Variants in FBLN5 observed in about 807,000 individuals in gnomAD.
FBLN5 encodes the protein fibulin-5.
In FBLN5, 24 loss-of-function variants were observed where a neutral mutation model predicts 61.6. The ratio of observed to expected loss-of-function variants is 0.39; its 90% CI spans 0.28 to 0.55. The LOEUF (loss-of-function observed/expected upper bound fraction) is 0.55, where lower values mean the gene tolerates loss of function less well. Among genes scored for constraint, FBLN5 ranks in the 20% least tolerant of loss-of-function variants. The pLI is 0.65. For missense variants in FBLN5, 470 were observed against 594.1 expected (o/e 0.79, Z 2.17); for synonymous variants, 213 against 219.8 (o/e 0.97, Z 0.27).
chr14:91,916,649 G>A (rs1482186626), intron 4 of FBLN5, among the ~76,000 whole-genome samples: 1 of 152,134 alleles, frequency 6.6e-6, no homozygotes, highest in Admixed American at 6.6e-5. Flanking sequence ...TGTTACTAGT[G>A]ACCATCCCCC....
intron 4 of FBLN5, among the ~76,000 whole-genome samples, chr14:91,905,379 G>T (rs1326206263): frequency 6.6e-6 from 1 of 152,112 alleles, no homozygotes; most frequent in Non-Finnish European, 1.5e-5. Context: ...AGAGGGCTGG[G>T]AACACACAAC....
At chr14:91,941,216 T>C (rs2056099690) in intron 2 of FBLN5, among the ~76,000 whole-genome samples, 1 of 152,174 alleles carries the variant, frequency 6.6e-6, no homozygotes, top group Admixed American at 6.5e-5. Flanking sequence ...TTGATGTCTG[T>C]ACATAAATAA....
At chr14:91,933,982 C>G (rs1168794292) in intron 4 of FBLN5, among the ~76,000 whole-genome samples, 1 of 152,084 alleles carries the variant, frequency 6.6e-6, no homozygotes, top group African/African-American at 2.4e-5. Flanking sequence ...CATGGTGGCA[C>G]ATGCCTGTAG....
In FBLN5 at chr14:91,942,947, G is replaced by C. The variant is rs1174346320; in HGVS notation, c.32C>G (p.Thr11Ser). 2 of 1,550,586 alleles carry C rather than the reference G, an allele frequency of 1.3e-6. No individual in the cohort carries two copies. Among genetic ancestry groups the C allele is most frequent in the Non-Finnish European group, 1.7e-6 (2 of 1,144,222 alleles). Residue 11 changes from threonine (T) to serine (S), a missense_variant, in exon 2 of 11, where the codon ACC becomes AGC. By Grantham distance (58) the Thr-to-Ser change is moderately conservative. Coordinates refer to ENST00000342058, the MANE Select transcript of FBLN5 (RefSeq NM_006329.4). MPGIKRILTV[T>S]ILALCLPSPG... is the part of the protein sequence containing the mutation. ...GCTTGGAAGACAGAGAGCCAGAATG[G>C]TAACAGTGAGTATCCTGTGGAGGTG...
intron 10 of FBLN5, among the ~76,000 whole-genome samples, chr14:91,875,107 G>C (rs1380806896): frequency 6.6e-6 from 1 of 152,166 alleles, no homozygotes; most frequent in African/African-American, 2.4e-5. Context: ...TGGGATTACA[G>C]GCATGAGCCC....
intron 7 of FBLN5, among the ~76,000 whole-genome samples, chr14:91,886,894 C>T (rs1889751475): frequency 1.3e-5 from 2 of 152,160 alleles, no homozygotes; most frequent in South Asian, 4.1e-4. Context: ...AGCTCTCAAA[C>T]CAACATGCCA....
chr14:91,933,096 A>G (rs964552504), intron 4 of FBLN5, among the ~76,000 whole-genome samples: 1 of 152,190 alleles, frequency 6.6e-6, no homozygotes, highest in Middle Eastern at 3.2e-3. Context: ...ATTTTGTTAG[A>G]GCCATGCTAC....
intron 4 of FBLN5, among the ~76,000 whole-genome samples, chr14:91,925,040 A>G (rs961818889): frequency 1.3e-5 from 2 of 152,202 alleles, no homozygotes; most frequent in Non-Finnish European, 2.9e-5. Context: ...TGCCAATTTC[A>G]TACTGATTCC....
intron 5 of FBLN5, among the ~76,000 whole-genome samples, chr14:91,894,123 G>T (rs1441347565): frequency 6.6e-6 from 1 of 152,210 alleles, no homozygotes; most frequent in Non-Finnish European, 1.5e-5. Flanking sequence ...TTGAGGCTGG[G>T]CATGGTGGCT....
chr14:91,881,782 A>G (rs1338627017), intron 8 of FBLN5, among the ~76,000 whole-genome samples: 4 of 151,404 alleles, frequency 2.6e-5, no homozygotes, highest in Non-Finnish European at 4.4e-5. Flanking sequence ...TTATTTATAT[A>G]TATAATTTTT....
intron 8 of FBLN5, among the ~76,000 whole-genome samples, chr14:91,881,927 C>T (rs557324393): frequency 6.6e-6 from 1 of 152,006 alleles, no homozygotes; most frequent in African/African-American, 2.4e-5. Flanking sequence ...ACCAGCCTGG[C>T]CAACATGGTA....
chr14:91,932,910 A>C (rs976776629), intron 4 of FBLN5, among the ~76,000 whole-genome samples: 14 of 152,232 alleles, frequency 9.2e-5, no homozygotes, highest in African/African-American at 3.4e-4. Context: ...TCAACAAACC[A>C]ACAGACAACA....
intron 7 of FBLN5, among the ~76,000 whole-genome samples, chr14:91,883,659 A>AAAAAAAAAAC (rs1380545041): frequency 2.7e-5 from 4 of 150,468 alleles, no homozygotes; most frequent in Non-Finnish European, 4.4e-5. Context: ...AAAAAAAACA[A>AAAAAAAAAAC]AAAAAACACA....
intron 4 of FBLN5, among the ~76,000 whole-genome samples, chr14:91,918,420 A>T (rs2055666017): frequency 6.6e-6 from 1 of 152,196 alleles, no homozygotes; most frequent in South Asian, 2.1e-4. Context: ...GGGCGGAAGG[A>T]GGAGTATCCA....
At chr14:91,934,428 G>A (rs1346209397) in intron 4 of FBLN5, among the ~76,000 whole-genome samples, 1 of 152,132 alleles carries the variant, frequency 6.6e-6, no homozygotes, top group Non-Finnish European at 1.5e-5. Context: ...GTTTTACCTT[G>A]TAGCTGGTTA....
chr14:91,933,053 G>A (rs1343796791), intron 4 of FBLN5, among the ~76,000 whole-genome samples: 1 of 152,152 alleles, frequency 6.6e-6, no homozygotes, highest in Non-Finnish European at 1.5e-5. Context: ...AATAACTAAT[G>A]TTAGTGAAAT....
intron 4 of FBLN5, among the ~76,000 whole-genome samples, chr14:91,897,311 T>C (rs1890267218): frequency 6.6e-6 from 1 of 152,110 alleles, no homozygotes; most frequent in Non-Finnish European, 1.5e-5. Flanking sequence ...GAATAATGCT[T>C]GGCCAGAAGC....
At chr14:91,939,593 C>T (rs1241478613) in intron 3 of FBLN5, among the ~76,000 whole-genome samples, 2 of 152,188 alleles carry the variant, frequency 1.3e-5, no homozygotes, top group Non-Finnish European at 2.9e-5. Flanking sequence ...GCACTCGCCT[C>T]GGCCTCCCAA....
intron 3 of FBLN5, among the ~76,000 whole-genome samples, chr14:91,938,134 G>A (rs1794846148): frequency 6.6e-6 from 1 of 152,214 alleles, no homozygotes; most frequent in African/African-American, 2.4e-5. Context: ...ACAGTGGTCA[G>A]GGGAGAAAGA....
Sources: gnomAD v4.1 joint callset for allele counts (sites outside exome capture counted in the v4.1 genomes callset) on GRCh38, gnomAD v4.1.1 for gene constraint, MANE v1.5 for transcripts, NCBI Gene and HGNC (gene_info 2026-07-23, HGNC 2026-07-21) for gene names.